S100A16: variants seen among roughly 807,000 people sequenced by gnomAD.
S100A16 encodes protein S100-A16.
A neutral mutation model predicts 9.0 loss-of-function variants in S100A16; 8 were observed. That is an observed-to-expected ratio of 0.89 (90% CI 0.52 to 1.60). The LOEUF (loss-of-function observed/expected upper bound fraction) is 1.60, where lower values mean the gene tolerates loss of function less well. Among genes scored for constraint, S100A16 ranks in the 40% most tolerant of loss-of-function variants. The pLI is 0.00. For missense variants in S100A16, 138 were observed against 132.4 expected (o/e 1.04, Z -0.21); for synonymous variants, 51 against 51.4 (o/e 0.99, Z 0.04).
chr1:153,612,188 G>T (rs1474050475), intron 1 of S100A16, among the ~76,000 whole-genome samples: 1 of 151,846 alleles, frequency 6.6e-6, no homozygotes, highest in Non-Finnish European at 1.5e-5. Flanking sequence ...CAGCACCCCT[G>T]CCCTCACCAC....
rs1380000840 is a variant in S100A16, at chr1:153,607,131, C to A, written c.*403G>T. On this transcript the variant is annotated 3_prime_UTR_variant, in exon 3 of 3. Transcript: ENST00000368706. The stretch of plus-strand genomic sequence containing the variant: ...GCTGCTGCTGCTGCTGCTGTTGCTG[C>A]TACCACTGCCACCAAGAGCAGGGAG... 2 of 453,852 alleles carry A rather than the reference C, an allele frequency of 4.4e-6. No homozygotes were observed. Among genetic ancestry groups the A allele is most frequent in the East Asian group, 1.4e-4 (2 of 14,588 alleles). The allele number at this position is 453,852 out of a possible 1,614,324, so 28.1% of individuals were successfully genotyped here.
rs1321603073 is a variant in S100A16 at position 153,608,007 on chromosome 1, T to A, written c.145A>T (p.Met49Leu). The A allele has an allele frequency of 6.2e-6, 10 of 1,613,924 alleles. No individual in the cohort carries two copies. The East Asian group carries it at 6.7e-5, about 11-fold the overall frequency. The change falls in exon 2 of 3, where the codon ATG becomes TTG. Residue 49 changes from methionine (M) to leucine (L), a missense_variant. Transcript: ENST00000368706. ...TGGGTGAGAGGCCTTACCGACAGCA[T>A]GTGGTTCAGCTCTTTCTGGAGCATC... Reference protein sequence around the residue: ...REMLQKELNHMLSDTGNRKAA... With the variant: ...REMLQKELNHLLSDTGNRKAA...
In S100A16 at chr1:153,607,594, G is replaced by A. The variant is rs745980799; in HGVS notation, c.252C>T (p.Gly84=). 4.6e-5 allele frequency: 74 copies of A among 1,614,062 alleles called. No homozygotes were observed. In the East Asian group the frequency reaches 1.1e-3, roughly 24 times the overall value. Reference sequence around the variant, plus strand: ...GTTTGGCGATGGGGCCGGTGATGCCGCCTATCAAGGTCCAGTACTCATCGA... The same window carrying A: ...GTTTGGCGATGGGGCCGGTGATGCCACCTATCAAGGTCCAGTACTCATCGA... The part of the protein sequence containing the change: ...ISFDEYWTLI[G]GITGPIAKLI... Residue 84 remains glycine, a synonymous_variant, in exon 3 of 3, where the codon GGC becomes GGT. Transcript: ENST00000368706.
rs1450280407 is a variant in S100A16, at chr1:153,607,368, C to T, written c.*166G>A. 2.5e-6 allele frequency: 2 copies of T among 805,872 alleles called. No individual in the cohort carries two copies. Among genetic ancestry groups the T allele is most frequent in the African/African-American group, 1.7e-5 (1 of 57,906 alleles). 49.9% of individuals were successfully genotyped at this position (805,872 alleles called of 1,614,324 possible). A position where few individuals can be genotyped will look rare whatever the true frequency, so the allele number is the denominator to read the frequency against. On this transcript the variant is annotated 3_prime_UTR_variant, in exon 3 of 3. Transcript: ENST00000368706. ...CCCCAGGGAGGGAGGTACCTCTAGA[C>T]TGAGACACTCACAAAGGGACCCCAG...
At chr1:153,609,100 AC>A (rs983885720) in intron 1 of S100A16, 8 of 983,160 alleles carry the variant, frequency 8.1e-6, no homozygotes, top group Admixed American at 6.2e-5. Flanking sequence ...CATGCCCAAA[AC>A]CCCCCCACAT....
chr1:153,612,558 C>T (rs574885127), intron 1 of S100A16, among the ~76,000 whole-genome samples: 1 of 152,246 alleles, frequency 6.6e-6, no homozygotes. Context: ...GACACAGCTC[C>T]CAGAGCCCAG....
intron 1 of S100A16, among the ~76,000 whole-genome samples, chr1:153,612,644 G>T (rs182418078): frequency 3.9e-5 from 6 of 152,120 alleles, no homozygotes; most frequent in Admixed American, 3.9e-4. Context: ...GGGGAGGATC[G>T]AGTAGCTGTG....
At chr1:153,611,696 T>C (rs1666837716) in intron 1 of S100A16, among the ~76,000 whole-genome samples, 1 of 152,138 alleles carries the variant, frequency 6.6e-6, no homozygotes, top group South Asian at 2.1e-4. Context: ...GAAGGTGCCA[T>C]CCGAACTGGG....
Position 153,610,297 on chromosome 1 carries a change from C to T in S100A16, c.-26-2120G>A, listed in dbSNP as rs927529721. 4.4e-4 allele frequency among the ~76,000 whole-genome samples: 67 copies of T among 152,210 alleles called. 1 individual carries two copies. Among genetic ancestry groups the T allele is most frequent in the Admixed American group, 1.2e-3 (19 of 15,282 alleles). ...ATTCAGAGAAACTCCCCACACTTAA[C>T]CATCCCAATCCTTGTTCCCTAAATG... On this transcript the variant is annotated intron_variant, in intron 1 of 2. Transcript: ENST00000368706.
chr1:153,611,953 C>T (rs1421433750), intron 1 of S100A16, among the ~76,000 whole-genome samples: 1 of 85,484 alleles, frequency 1.2e-5, no homozygotes, highest in Non-Finnish European at 3.0e-5. Flanking sequence ...ACACACACAC[C>T]GAGCAAGGAC....
rs1003213451 is a variant in S100A16 at position 153,607,593 on chromosome 1, C to T, written c.253G>A (p.Gly85Ser). 8.7e-6 allele frequency: 14 copies of T among 1,614,064 alleles called. No homozygotes were observed. Among genetic ancestry groups the T allele is most frequent in the East Asian group, 2.2e-5 (1 of 44,890 alleles). Residue 85 changes from glycine to serine, a missense_variant, in exon 3 of 3, where the codon GGC becomes AGC. Physicochemically the swap from Gly to Ser is moderately conservative, Grantham distance 56. Coordinates refer to ENST00000368706, the MANE Select transcript of S100A16 (RefSeq NM_080388.3). ...SFDEYWTLIGGITGPIAKLIH... is the reference protein window; with the variant it reads ...SFDEYWTLIGSITGPIAKLIH... ...AGTTTGGCGATGGGGCCGGTGATGCCGCCTATCAAGGTCCAGTACTCATCG... is the reference window on the plus strand; with the variant it reads ...AGTTTGGCGATGGGGCCGGTGATGCTGCCTATCAAGGTCCAGTACTCATCG...
At chr1:153,608,228 T>G in intron 1 of S100A16, 51 bp from the exon 2 acceptor site, 3 of 1,464,584 alleles carry the variant, frequency 2.0e-6, no homozygotes, top group Non-Finnish European at 1.9e-6. Context: ...AGGCCATACC[T>G]CCTCCTCCTC....
Position 153,608,054 on chromosome 1 carries a change from A to G in S100A16, c.98T>C (p.Ile33Thr), listed in dbSNP as rs759644991. The G allele has an allele frequency of 1.2e-6, 2 of 1,614,028 alleles. No individual in the cohort carries two copies. Among genetic ancestry groups the G allele is most frequent in the Admixed American group, 1.7e-5 (1 of 60,008 alleles). Residue 33 changes from isoleucine (I) to threonine (T), a missense_variant, in exon 2 of 3, where the codon ATC becomes ACC. Coordinates refer to ENST00000368706, the MANE Select transcript of S100A16 (RefSeq NM_080388.3). ...VSKYSLVKNK[I>T]SKSSFREMLQ... ...CATCTCGCGGAAGCTGCTCTTGCTG[A>G]TCTTGTTCTTGACCAGGCTGTACTT...
At chr1:153,610,010 G>A (rs1326990776) in intron 1 of S100A16, among the ~76,000 whole-genome samples, 3 of 152,190 alleles carry the variant, frequency 2.0e-5, no homozygotes, top group African/African-American at 7.2e-5. Context: ...GAAGCCACAC[G>A]CTTTTCCATA....
rs547211838 is a variant in S100A16 at position 153,612,402 on chromosome 1, C to T, written c.-27+550G>A. ...GTTCCTCCCAGATCTCATCATCCCTCTCAAGGAACAGCTCCTGGAACACAG... is the reference window on the plus strand; with the variant it reads ...GTTCCTCCCAGATCTCATCATCCCTTTCAAGGAACAGCTCCTGGAACACAG... On this transcript the variant is annotated intron_variant, in intron 1 of 2. Coordinates refer to ENST00000368706, the MANE Select transcript of S100A16 (RefSeq NM_080388.3). 5.9e-5 allele frequency among the ~76,000 whole-genome samples: 9 copies of T among 151,958 alleles called. No homozygotes were observed. In the South Asian group the frequency reaches 1.9e-3, roughly 32 times the overall value.
intron 1 of S100A16, among the ~76,000 whole-genome samples, chr1:153,610,166 G>A (rs899523295): frequency 6.6e-6 from 1 of 152,132 alleles, no homozygotes; most frequent in African/African-American, 2.4e-5. Flanking sequence ...GGTTGGAGGT[G>A]GCTCAGGTTC....
intron 1 of S100A16, chr1:153,609,281 G>A (rs1057066686): frequency 7.1e-6 from 7 of 985,778 alleles, no homozygotes; most frequent in Non-Finnish European, 8.4e-6. Flanking sequence ...GCTCGGTCAG[G>A]CCCCACCACA....
rs771076278 is a variant in S100A16, at chr1:153,608,182, ACACCAGGAGGAGGGG to A, written c.-26-20_-26-6del. The A allele has an allele frequency of 1.7e-4, 272 of 1,610,336 alleles. 3 individuals carry two copies. In the South Asian group the frequency reaches 2.7e-3, roughly 16 times the overall value. ...TGCTTCGCCTGCTGGCGGGGCCTGG[ACACCAGGAGGAGGGG>A]AGATGAGAAGAGACACCCACAGGCC... On this transcript the variant is annotated splice_polypyrimidine_tract_variant and splice_region_variant and intron_variant, in intron 1 of 2. Transcript: ENST00000368706.
At chr1:153,612,498 G>T (rs1042331949) in intron 1 of S100A16, among the ~76,000 whole-genome samples, 2 of 152,082 alleles carry the variant, frequency 1.3e-5, no homozygotes, top group African/African-American at 4.8e-5. Context: ...CGGAATCTCA[G>T]GCTCCCTGGA....
Sources: allele counts gnomAD v4.1 joint callset (sites outside exome capture counted in the v4.1 genomes callset), GRCh38; gene constraint gnomAD v4.1.1; transcripts MANE v1.5; gene names NCBI Gene and HGNC (gene_info 2026-07-23, HGNC 2026-07-21).